The following PUS10 variants were observed in gnomAD, a reference collection of about 807,000 sequenced individuals.
The protein encoded by PUS10 is pseudouridine synthase 10.
PUS10 carries 59 observed loss-of-function variants against 75.0 expected under a neutral mutation model. That is an observed-to-expected ratio of 0.79 (90% CI 0.64 to 0.98). The LOEUF (loss-of-function observed/expected upper bound fraction) is 0.98. Among genes scored for constraint, PUS10 ranks in the 50% least tolerant of loss-of-function variants. The pLI is 0.00. For missense variants in PUS10, 650 were observed against 614.4 expected (o/e 1.06, Z -0.61); for synonymous variants, 219 against 211.6 (o/e 1.03, Z -0.30).
chr2:61,005,468 G>T lies in PUS10; in HGVS notation c.468+1089C>A, dbSNP rs979420104. ...TATAAACATAAGCTTTGAGAGGAAG[G>T]GTTTGGTTTTAAGATATATAACCAC... On this transcript the variant is annotated intron_variant, in intron 4 of 17. Transcript: ENST00000316752. Among the ~76,000 whole-genome samples the T allele has an allele frequency of 2.0e-5, 3 of 151,610 alleles. No homozygotes were observed. The East Asian group carries it at 5.8e-4, about 29-fold the overall frequency.
At chr2:60,978,670 A>G (rs1049588556) in intron 4 of PUS10, among the ~76,000 whole-genome samples, 1 of 152,188 alleles carries the variant, frequency 6.6e-6, no homozygotes, top group African/African-American at 2.4e-5. Flanking sequence ...ATGGTCCCAC[A>G]GAAGGATTTT....
At chr2:60,943,818 T>C (rs940505615) in intron 17 of PUS10, among the ~76,000 whole-genome samples, 5 of 151,572 alleles carry the variant, frequency 3.3e-5, no homozygotes, top group Non-Finnish European at 5.9e-5. Flanking sequence ...TTGTAGTGCT[T>C]AAAAAGCTCC....
chr2:60,945,385 T>A (rs1674882794), intron 16 of PUS10, among the ~76,000 whole-genome samples: 1 of 152,224 alleles, frequency 6.6e-6, no homozygotes, highest in Admixed American at 6.5e-5. Context: ...AAGGTTTGGA[T>A]GTGGATTTTA....
intron 4 of PUS10, among the ~76,000 whole-genome samples, chr2:60,984,077 A>G (rs909534756): frequency 3.3e-4 from 51 of 152,302 alleles, no homozygotes; most frequent in African/African-American, 1.2e-3. Flanking sequence ...AAACTATAAT[A>G]TAATTGAAAG....
In PUS10 at chr2:60,952,226, CA is replaced by C. The variant is rs1468726222; in HGVS notation, c.1308+770del. On this transcript the variant is annotated intron_variant, in intron 15 of 17. Coordinates refer to ENST00000316752, the MANE Select transcript of PUS10 (RefSeq NM_144709.4). ...GTGGGCGCCTATAATCTCCGCTACC[CA>C]GGAGGCTGAGGCAGGAGAATCGCTT... Among the ~76,000 whole-genome samples, 4 of 151,130 alleles carry C rather than the reference CA, an allele frequency of 2.6e-5. No homozygotes were observed. The South Asian group carries it at 8.4e-4, about 32-fold the overall frequency.
intron 4 of PUS10, among the ~76,000 whole-genome samples, chr2:60,975,147 CTGTT>C (rs955483476): frequency 7.2e-5 from 11 of 152,108 alleles, no homozygotes; most frequent in African/African-American, 1.4e-4. Flanking sequence ...TATCATGGTT[CTGTT>C]TGTTTGTTTG....
chr2:60,986,603 G>A (rs1677737250), intron 4 of PUS10, among the ~76,000 whole-genome samples: 1 of 152,192 alleles, frequency 6.6e-6, no homozygotes, highest in Non-Finnish European at 1.5e-5. Flanking sequence ...ATGTCAAGCT[G>A]TTGATATTTA....
At chr2:61,013,493 A>G (rs889900002) in intron 1 of PUS10, among the ~76,000 whole-genome samples, 1 of 152,206 alleles carries the variant, frequency 6.6e-6, no homozygotes, top group African/African-American at 2.4e-5. Flanking sequence ...ACCTAAGCAT[A>G]AAAATGGACA....
At chr2:60,947,499 G>T (rs1675018676) in intron 16 of PUS10, among the ~76,000 whole-genome samples, 1 of 152,148 alleles carries the variant, frequency 6.6e-6, no homozygotes, top group Non-Finnish European at 1.5e-5. Flanking sequence ...AGCTGACATT[G>T]AACTGACTGC....
intron 1 of PUS10, among the ~76,000 whole-genome samples, chr2:61,013,554 C>T (rs1027104413): frequency 5.3e-5 from 8 of 152,256 alleles, no homozygotes; most frequent in African/African-American, 1.9e-4. Context: ...TGTGTATACA[C>T]ATTACATAAA....
chr2:60,965,152 G>A (rs901551522), intron 7 of PUS10, 49 bp from the exon 8 acceptor site: 8 of 1,535,534 alleles, frequency 5.2e-6, no homozygotes, highest in Non-Finnish European at 7.2e-6. Context: ...TTTATTTTGG[G>A]GTAGATATAA....
At chr2:60,958,181 A>G (rs1485490473) in intron 11 of PUS10, among the ~76,000 whole-genome samples, 1 of 152,188 alleles carries the variant, frequency 6.6e-6, no homozygotes, top group African/African-American at 2.4e-5. Context: ...GGTGGCCCCA[A>G]AAAGAATCCA....
At chr2:61,002,716 A>G (rs1438739499) in intron 4 of PUS10, among the ~76,000 whole-genome samples, 1 of 152,248 alleles carries the variant, frequency 6.6e-6, no homozygotes, top group African/African-American at 2.4e-5. Context: ...TTATCCTTCC[A>G]TTATTACATT....
At chr2:61,006,786 A>G (rs1416200541) in intron 3 of PUS10, 143 bp from the exon 4 acceptor site, 2 of 625,516 alleles carry the variant, frequency 3.2e-6, no homozygotes, top group East Asian at 5.8e-5. Context: ...AACACTCACA[A>G]ATATCTTGAG....
intron 1 of PUS10, among the ~76,000 whole-genome samples, chr2:61,016,574 T>C (rs1185618637): frequency 6.6e-6 from 1 of 152,204 alleles, no homozygotes; most frequent in Non-Finnish European, 1.5e-5. Context: ...GTTTGTTTTA[T>C]AGAAATAACT....
chr2:61,012,442 G>A (rs139989670), intron 1 of PUS10, among the ~76,000 whole-genome samples: 308 of 152,004 alleles, frequency 2.0e-3, no homozygotes, highest in Non-Finnish European at 2.4e-3. Flanking sequence ...CCCCAGACTA[G>A]CCATAGAAAA....
At position 60,965,443 on chromosome 2, in the gene PUS10, T is replaced by C. The variant is rs528975708; in HGVS notation, c.657A>G (p.Thr219=). 4.3e-6 allele frequency: 7 copies of C among 1,611,594 alleles called. No homozygotes were observed. The highest frequency in any genetic ancestry group is 4.2e-6 in the Non-Finnish European group (5 of 1,179,166). The change falls in exon 7 of 18, where the codon ACA becomes ACG. Residue 219 remains threonine (T), a synonymous_variant. Coordinates refer to ENST00000316752, the MANE Select transcript of PUS10 (RefSeq NM_144709.4). The part of the protein sequence containing the change: ...EVSVVFAHPE[T]VEDCHFLAAI... ...CTTACAGGAAGTGGCAATCCTCAACTGTTTCTGGGTGAGCAAAGACCACAC... is the reference window on the plus strand; with the variant it reads ...CTTACAGGAAGTGGCAATCCTCAACCGTTTCTGGGTGAGCAAAGACCACAC...
intron 1 of PUS10, among the ~76,000 whole-genome samples, chr2:61,014,277 C>G (rs565642146): frequency 6.6e-6 from 1 of 152,184 alleles, no homozygotes; most frequent in African/African-American, 2.4e-5. Context: ...ACTCAGGAGG[C>G]TGAGACAAGA....
chr2:60,957,313 C>T (rs921608970), intron 11 of PUS10, among the ~76,000 whole-genome samples: 9 of 152,214 alleles, frequency 5.9e-5, no homozygotes, highest in South Asian at 2.1e-4. Flanking sequence ...ATGCCTGGAA[C>T]GCGATGCACA....
Sources: allele counts gnomAD v4.1 joint callset (sites outside exome capture counted in the v4.1 genomes callset), GRCh38; gene constraint gnomAD v4.1.1; transcripts MANE v1.5; gene names NCBI Gene and HGNC (gene_info 2026-07-23, HGNC 2026-07-21).